HK1: variants seen among roughly 807,000 people sequenced by gnomAD.
HK1 encodes the protein hexokinase-1.
HK1 carries 28 observed loss-of-function variants against 91.6 expected under a neutral mutation model. The observed-to-expected ratio is 0.31, with a 90% CI of 0.23 to 0.42. HK1 has a LOEUF of 0.42. Ranked by LOEUF, HK1 falls within the 10% of genes least tolerant of loss-of-function variation. The pLI is 1.00. For missense variants in HK1, 770 were observed against 1,219.8 expected (o/e 0.63, Z 5.49); for synonymous variants, 430 against 468.1 (o/e 0.92, Z 1.05).
chr10:69,361,610 A>G (rs984865001), intron 3 of HK1, among the ~76,000 whole-genome samples: 4 of 152,244 alleles, frequency 2.6e-5, no homozygotes, highest in African/African-American at 9.6e-5. Flanking sequence ...TTTAGGAGCA[A>G]GGTTTGTTAA....
At chr10:69,379,798 C>T in intron 8 of HK1, 64 bp from the exon 9 acceptor site, 1 of 1,161,922 alleles carries the variant, frequency 8.6e-7, no homozygotes, top group Non-Finnish European at 1.3e-6. Flanking sequence ...CACCTTTGAG[C>T]CTCAGTGCTT....
chr10:69,310,590 G>C (rs1331877841), intron 5 of HK1, among the ~76,000 whole-genome samples: 1 of 152,146 alleles, frequency 6.6e-6, no homozygotes, highest in African/African-American at 2.4e-5. Flanking sequence ...TGGTGCTGTT[G>C]ATAAAGAGTC....
At chr10:69,357,881 T>C (rs1421575563) in intron 2 of HK1, among the ~76,000 whole-genome samples, 1 of 152,024 alleles carries the variant, frequency 6.6e-6, no homozygotes, top group Non-Finnish European at 1.5e-5. Context: ...GGGTATAGGG[T>C]TTCTTTTTGA....
intron 1 of HK1, among the ~76,000 whole-genome samples, chr10:69,332,265 C>T (rs1036142010): frequency 1.3e-5 from 2 of 152,122 alleles, no homozygotes. Context: ...CATGTGTAAG[C>T]CACAGTTTCC....
At chr10:69,358,360 C>T (rs933744429) in intron 2 of HK1, among the ~76,000 whole-genome samples, 6 of 152,196 alleles carry the variant, frequency 3.9e-5, no homozygotes, top group African/African-American at 1.4e-4. Context: ...CCTGCTCTGC[C>T]CCCTGAGGCC....
chr10:69,291,694 G>A (rs1288618038), intron 3 of HK1, among the ~76,000 whole-genome samples: 1 of 152,174 alleles, frequency 6.6e-6, no homozygotes, highest in Non-Finnish European at 1.5e-5. Flanking sequence ...TCTTCCTAAG[G>A]ATAGATATAT....
At chr10:69,302,830 T>C (rs1589454148) in intron 5 of HK1, among the ~76,000 whole-genome samples, 1 of 151,668 alleles carries the variant, frequency 6.6e-6, no homozygotes, top group East Asian at 1.9e-4. Flanking sequence ...CATTTACAGG[T>C]AGAATTCTTA....
intron 2 of HK1, among the ~76,000 whole-genome samples, chr10:69,348,464 C>T (rs1337432427): frequency 6.6e-6 from 1 of 152,236 alleles, no homozygotes; most frequent in Non-Finnish European, 1.5e-5. Flanking sequence ...GAGTTCCCAT[C>T]ATGCAGCTGG....
At chr10:69,316,070 T>A, upstream of HK1, 1 of 1,368,612 alleles carries the variant, frequency 7.3e-7, no homozygotes, top group Non-Finnish European at 1.0e-6. Flanking sequence ...TGAGAGGGGA[T>A]GCTTGGTCAG....
At chr10:69,398,557 C>T (rs1379974339) in intron 16 of HK1, 38 bp from the exon 17 acceptor site, 1 of 1,550,494 alleles carries the variant, frequency 6.4e-7, no homozygotes. Flanking sequence ...TCTTGTGGGT[C>T]CTGCTTCATC....
chr10:69,324,422 C>G lies in HK1; in HGVS notation c.63+5412C>G, dbSNP rs1456210936. On this transcript the variant is annotated intron_variant, in intron 1 of 17. Coordinates refer to ENST00000359426, the MANE Select transcript of HK1 (RefSeq NM_000188.3). ...CCTGACCAACATGGTGAAACCCCGT[C>G]TCTACTAAAAATACAAAAAAGGTGC... Among the ~76,000 whole-genome samples the G allele has an allele frequency of 2.6e-5, 4 of 151,884 alleles. No individual in the cohort carries two copies. The East Asian group carries it at 7.7e-4, about 29-fold the overall frequency.
chr10:69,279,848 G>C (rs1844651855), intron 1 of HK1, among the ~76,000 whole-genome samples: 1 of 152,194 alleles, frequency 6.6e-6, no homozygotes, highest in Admixed American at 6.5e-5. Flanking sequence ...CCACCCTCAT[G>C]TCAGCTGCTC....
At chr10:69,362,888 C>G (rs1204119316) in intron 3 of HK1, among the ~76,000 whole-genome samples, 1 of 152,216 alleles carries the variant, frequency 6.6e-6, no homozygotes, top group African/African-American at 2.4e-5. Flanking sequence ...AAGATGCCAG[C>G]TGCTCTGCAG....
chr10:69,293,954 C>T (rs532050768), intron 3 of HK1, among the ~76,000 whole-genome samples: 18 of 148,852 alleles, frequency 1.2e-4, no homozygotes, highest in Middle Eastern at 3.4e-3. Context: ...CTCCGCCTCC[C>T]GGGTTCACGC....
chr10:69,375,437 G>A (rs1186534415), intron 7 of HK1, among the ~76,000 whole-genome samples: 1 of 152,160 alleles, frequency 6.6e-6, no homozygotes, highest in Non-Finnish European at 1.5e-5. Context: ...CAGGAGCCTG[G>A]GGTGGCACCA....
At chr10:69,366,725 T>C (rs1849721829) in intron 4 of HK1, among the ~76,000 whole-genome samples, 1 of 152,244 alleles carries the variant, frequency 6.6e-6, no homozygotes, top group Non-Finnish European at 1.5e-5. Context: ...TGGCCTCCAC[T>C]GTGTCCTTCC....
chr10:69,397,031 A>G (rs1840175362), intron 16 of HK1, among the ~76,000 whole-genome samples: 1 of 152,190 alleles, frequency 6.6e-6, no homozygotes, highest in Non-Finnish European at 1.5e-5. Flanking sequence ...TTGCATGCAC[A>G]CACTGCATTT....
At chr10:69,375,935 G>A (rs915323758) in intron 7 of HK1, among the ~76,000 whole-genome samples, 6 of 152,194 alleles carry the variant, frequency 3.9e-5, no homozygotes, top group African/African-American at 7.2e-5. Flanking sequence ...GTGCTTGACC[G>A]GGGCTGGAGC....
At chr10:69,297,803 C>T (rs1246818884) in intron 4 of HK1, among the ~76,000 whole-genome samples, 1 of 146,738 alleles carries the variant, frequency 6.8e-6, no homozygotes, top group Non-Finnish European at 1.5e-5. Flanking sequence ...GGCTGAGGCA[C>T]GAGAATCGCT....
Sources: gnomAD v4.1 joint callset for allele counts (sites outside exome capture counted in the v4.1 genomes callset) on GRCh38, gnomAD v4.1.1 for gene constraint, MANE v1.5 for transcripts, NCBI Gene and HGNC (gene_info 2026-07-23, HGNC 2026-07-21) for gene names.